The following RASA2 variants were observed in gnomAD, a reference collection of about 807,000 sequenced individuals.
The protein encoded by RASA2 is RAS p21 protein activator 2.
In RASA2, 155 loss-of-function variants were observed where a neutral mutation model predicts 118.2. That is an observed-to-expected ratio of 1.31 (90% CI 1.15 to 1.50). RASA2 has a LOEUF of 1.50. RASA2 is among the 40% of genes most tolerant of loss of function. RASA2 has a pLI of 0.00. For synonymous variants in RASA2, 353 were observed against 349.1 expected (o/e 1.01, Z -0.12); for missense variants, 1,016 against 1,009.6 (o/e 1.01, Z -0.09).
intron 3 of RASA2, among the ~76,000 whole-genome samples, chr3:141,517,035 G>T (rs755508829): frequency 2.8e-4 from 42 of 151,770 alleles, no homozygotes; most frequent in Non-Finnish European, 5.2e-4. Context: ...CTCCCAGAGT[G>T]TTAGGATTAC....
chr3:141,611,246 T>C (rs1393267828), intron 23 of RASA2, among the ~76,000 whole-genome samples: 1 of 152,204 alleles, frequency 6.6e-6, no homozygotes, highest in Admixed American at 6.5e-5. Flanking sequence ...CTCAACAAGG[T>C]GATTTCTCTC....
chr3:141,512,020 C>G, intron 1 of RASA2, 143 bp from the exon 2 acceptor site: 1 of 609,964 alleles, frequency 1.6e-6, no homozygotes, highest in South Asian at 2.1e-5. Flanking sequence ...TTTAGACCAG[C>G]TTGATCTTTC....
chr3:141,550,850 C>T (rs184479361), intron 5 of RASA2, among the ~76,000 whole-genome samples: 35 of 152,324 alleles, frequency 2.3e-4, no homozygotes, highest in Admixed American at 1.3e-4. Context: ...GAGTGAGACT[C>T]TGTCTCAAAA....
At chr3:141,490,318 A>C (rs1182887374) in intron 1 of RASA2, among the ~76,000 whole-genome samples, 5 of 128,206 alleles carry the variant, frequency 3.9e-5, no homozygotes, top group African/African-American at 1.6e-4. Flanking sequence ...ACACATTTGC[A>C]TGCTCCCTCC....
chr3:141,601,952 G>C (rs1344823010), intron 19 of RASA2, among the ~76,000 whole-genome samples: 2 of 152,040 alleles, frequency 1.3e-5, no homozygotes, highest in Non-Finnish European at 2.9e-5. Context: ...GTACTTTTCA[G>C]CTCCAGAATT....
chr3:141,547,487 A>G (rs986344195), intron 5 of RASA2, among the ~76,000 whole-genome samples: 1 of 151,824 alleles, frequency 6.6e-6, no homozygotes, highest in Non-Finnish European at 1.5e-5. Context: ...TTCTTGATTT[A>G]TTTTTCAAAT....
chr3:141,604,361 C>G (rs1282759655), intron 19 of RASA2, among the ~76,000 whole-genome samples: 1 of 152,014 alleles, frequency 6.6e-6, no homozygotes, highest in Non-Finnish European at 1.5e-5. Flanking sequence ...AGTGAGGAAA[C>G]TTGACTATCC....
chr3:141,570,648 T>C (rs2082903439), intron 9 of RASA2, among the ~76,000 whole-genome samples: 1 of 152,224 alleles, frequency 6.6e-6, no homozygotes, highest in Non-Finnish European at 1.5e-5. Context: ...CTAATCAAAC[T>C]CTTGTTCAAC....
In RASA2 at chr3:141,581,180, A is replaced by G. The variant is rs1231041615; in HGVS notation, c.1752+3A>G. Reference sequence around the variant, plus strand: ...GATATATTATAGCAGTTAAAAAGGTATGATGGTTTTATTCTGGAATTGTTA... The same window carrying G: ...GATATATTATAGCAGTTAAAAAGGTGTGATGGTTTTATTCTGGAATTGTTA... On this transcript the variant is annotated splice_donor_region_variant and intron_variant, in intron 17 of 23. Coordinates refer to ENST00000286364, the MANE Select transcript of RASA2 (RefSeq NM_006506.5). The G allele has an allele frequency of 2.7e-6, 4 of 1,488,648 alleles. No homozygotes were observed. Among genetic ancestry groups the G allele is most frequent in the Non-Finnish European group, 2.7e-6 (3 of 1,121,872 alleles). 92.2% of individuals were successfully genotyped at this position (1,488,648 alleles called of 1,614,324 possible). A position where few individuals can be genotyped will look rare whatever the true frequency, so the allele number is the denominator to read the frequency against.
At chr3:141,560,678 T>TC (rs1338124607) in intron 9 of RASA2, among the ~76,000 whole-genome samples, 1 of 152,226 alleles carries the variant, frequency 6.6e-6, no homozygotes, top group African/African-American at 2.4e-5. Flanking sequence ...TTGTTTTTTT[T>TC]CTGTCTATAG....
intron 14 of RASA2, among the ~76,000 whole-genome samples, chr3:141,575,481 G>A (rs1174543257): frequency 6.6e-6 from 1 of 152,184 alleles, no homozygotes; most frequent in Non-Finnish European, 1.5e-5. Context: ...TGACTACTTA[G>A]TAACACACAC....
chr3:141,565,683 G>A (rs539480314), intron 9 of RASA2, among the ~76,000 whole-genome samples: 20 of 152,264 alleles, frequency 1.3e-4, no homozygotes, highest in East Asian at 9.6e-4. Context: ...CTCCCCAGCC[G>A]TGTGGAACTA....
At chr3:141,535,585 T>A (rs1307383285) in intron 4 of RASA2, among the ~76,000 whole-genome samples, 1 of 152,198 alleles carries the variant, frequency 6.6e-6, no homozygotes, top group Admixed American at 6.5e-5. Flanking sequence ...TGGCTTACAG[T>A]TCTTCTGCAG....
At chr3:141,516,278 A>G in intron 2 of RASA2, 50 bp from the exon 3 acceptor site, 1 of 1,170,672 alleles carries the variant, frequency 8.5e-7, no homozygotes, top group Non-Finnish European at 1.1e-6. Flanking sequence ...GATATTAATT[A>G]TTATTTATTT....
intron 4 of RASA2, 134 bp from the exon 5 acceptor site, chr3:141,540,399 C>T: frequency 1.9e-6 from 1 of 533,986 alleles, no homozygotes; most frequent in East Asian, 3.1e-5. Flanking sequence ...ATTCATTTAA[C>T]AAGTACTTAG....
At chr3:141,537,927 A>G (rs1183470091) in intron 4 of RASA2, among the ~76,000 whole-genome samples, 1 of 152,172 alleles carries the variant, frequency 6.6e-6, no homozygotes, top group Non-Finnish European at 1.5e-5. Context: ...TATATTGGAG[A>G]TAATTTGAGG....
chr3:141,487,069 G>C lies in RASA2; in HGVS notation c.-15G>C, dbSNP rs767937276. The C allele has an allele frequency of 6.8e-5, 86 of 1,261,912 alleles. No individual in the cohort carries two copies. Among genetic ancestry groups the C allele is most frequent in the Non-Finnish European group, 8.1e-5 (81 of 997,462 alleles). The allele number at this position is 1,261,912 out of a possible 1,614,324, so 78.2% of individuals were successfully genotyped here. The stretch of plus-strand genomic sequence containing the variant: ...TACGCAGGCGGCAGGGCTGCGGCAC[G>C]GGCCGGGCGGCACCATGGCGGCGGC... On this transcript the variant is annotated 5_prime_UTR_variant, in exon 1 of 24. Coordinates refer to ENST00000286364, the MANE Select transcript of RASA2 (RefSeq NM_006506.5).
chr3:141,600,229 G>A, intron 19 of RASA2: 1 of 486,760 alleles, frequency 2.1e-6, no homozygotes, highest in Non-Finnish European at 4.2e-6. Context: ...GTGTAAAAAG[G>A]TTTCTTGAAG....
rs566369769 is a variant in RASA2, at chr3:141,540,676, GCCAA to G, written c.527+69_527+72del. 3.5e-4 allele frequency: 478 copies of G among 1,355,158 alleles called. 1 individual carries two copies. The African/African-American group carries it at 6.3e-3, about 18-fold the overall frequency. 83.9% of individuals were successfully genotyped at this position (1,355,158 alleles called of 1,614,324 possible). A position where few individuals can be genotyped will look rare whatever the true frequency, so the allele number is the denominator to read the frequency against. ...CCATTTTGTATTCTTTCGATTTTAA[GCCAA>G]CTCCTTGTTTTAACTTCAGAAACTT... is the stretch of plus-strand genomic sequence containing the variant. On this transcript the variant is annotated intron_variant, in intron 5 of 23. Transcript: ENST00000286364.
Sources: allele counts gnomAD v4.1 joint callset (sites outside exome capture counted in the v4.1 genomes callset), GRCh38; gene constraint gnomAD v4.1.1; transcripts MANE v1.5; gene names NCBI Gene and HGNC (gene_info 2026-07-23, HGNC 2026-07-21).